Variants in TMEM170B observed in about 807,000 individuals in gnomAD.
TMEM170B encodes transmembrane protein 170B.
Under a neutral mutation model 13.0 loss-of-function variants are expected in TMEM170B, and 6 were observed. The ratio of observed to expected loss-of-function variants is 0.46; its 90% CI spans 0.25 to 0.91. The LOEUF (loss-of-function observed/expected upper bound fraction) is 0.91. Among genes scored for constraint, TMEM170B ranks in the 40% least tolerant of loss-of-function variants. The pLI is 0.17. For synonymous variants in TMEM170B, 61 were observed against 64.9 expected, an observed-to-expected ratio of 0.94 and a Z score of 0.29; for missense variants, 138 against 165.2, an observed-to-expected ratio of 0.84 and a Z score of 0.90.
At chr6:11,565,262 A>G (rs1454166722) in intron 1 of TMEM170B, among the ~76,000 whole-genome samples, 1 of 152,246 alleles carries the variant, frequency 6.6e-6, no homozygotes, top group Admixed American at 6.5e-5. Flanking sequence ...GATTTGAATT[A>G]GAATTACAAG....
intron 1 of TMEM170B, among the ~76,000 whole-genome samples, chr6:11,552,214 C>A (rs766199975): frequency 3.7e-4 from 57 of 152,202 alleles, no homozygotes; most frequent in Middle Eastern, 3.4e-3. Context: ...GCTATCTTAA[C>A]GATGTATAAT....
intron 2 of TMEM170B, among the ~76,000 whole-genome samples, chr6:11,572,884 A>T (rs768558867): frequency 1.3e-5 from 2 of 152,146 alleles, no homozygotes; most frequent in Non-Finnish European, 2.9e-5. Context: ...TACCTAAATG[A>T]TATATCTAAG....
intron 1 of TMEM170B, among the ~76,000 whole-genome samples, chr6:11,538,830 C>A (rs1354587775): frequency 6.6e-6 from 1 of 152,224 alleles, no homozygotes; most frequent in African/African-American, 2.4e-5. Flanking sequence ...TCATTGCCCA[C>A]AATGGTCGAT....
rs574888893 is a variant in TMEM170B, at chr6:11,538,726, C to G, written c.97+352C>G. Reference sequence around the variant, plus strand: ...TATTCCATTACCCTCCTCCCCTCCCCCTTCTACACACATCGCTTCTTGCTA... The same window carrying G: ...TATTCCATTACCCTCCTCCCCTCCCGCTTCTACACACATCGCTTCTTGCTA... On this transcript the variant is annotated intron_variant, in intron 1 of 2. Transcript: ENST00000379426. Among the ~76,000 whole-genome samples the G allele has an allele frequency of 1.1e-3, 165 of 152,362 alleles. 1 individual carries two copies. Among genetic ancestry groups the G allele is most frequent in the African/African-American group, 3.8e-3 (158 of 41,576 alleles).
Position 11,581,362 on chromosome 6 carries a change from T to G in TMEM170B, c.*5801T>G, listed in dbSNP as rs12193579. 0.058 allele frequency: 8,792 copies of G among 152,298 alleles called. 276 individuals carry two copies. Among genetic ancestry groups the G allele is most frequent in the East Asian group, 0.16 (817 of 5,190 alleles). The allele number at this position is 152,298 out of a possible 1,614,324, so 9.4% of individuals were successfully genotyped here. The stretch of plus-strand genomic sequence containing the variant: ...AAGGAGCTGGTTTAGGAAAGAATAC[T>G]CTTAACCCCTACAGTTATGCAGCTC... On this transcript the variant is annotated 3_prime_UTR_variant, in exon 3 of 3. Transcript: ENST00000379426.
At chr6:11,551,809 C>A (rs749013119) in intron 1 of TMEM170B, among the ~76,000 whole-genome samples, 2 of 152,064 alleles carry the variant, frequency 1.3e-5, no homozygotes, top group African/African-American at 4.8e-5. Flanking sequence ...GGAGCAGGAA[C>A]CTGTTCATGG....
Position 11,575,390 on chromosome 6 carries a change from G to T in TMEM170B, c.269-41G>T. ...TGCAGCATGCAGTGTGTTATAAAACGAGTGACTGTATCCCTTCATTTTTCT... is the reference window on the plus strand; with the variant it reads ...TGCAGCATGCAGTGTGTTATAAAACTAGTGACTGTATCCCTTCATTTTTCT... On this transcript the variant is annotated intron_variant, in intron 2 of 2. Coordinates refer to ENST00000379426, the MANE Select transcript of TMEM170B (RefSeq NM_001100829.3). This position sits in a 1 kb window ranked among gnomAD's most constrained non-coding sequence, Gnocchi z 4.1. 1 of 1,611,386 alleles carries T rather than the reference G, an allele frequency of 6.2e-7. No individual in the cohort carries two copies. The highest frequency in any genetic ancestry group is 1.1e-5 in the South Asian group (1 of 90,910).
intron 1 of TMEM170B, among the ~76,000 whole-genome samples, chr6:11,543,129 A>G (rs1561906178): frequency 6.6e-6 from 1 of 152,102 alleles, no homozygotes; most frequent in Non-Finnish European, 1.5e-5. Flanking sequence ...TATGTTTTTC[A>G]ATTACGTTAT....
intron 2 of TMEM170B, among the ~76,000 whole-genome samples, chr6:11,569,921 G>A (rs977664587): frequency 2.6e-5 from 4 of 151,178 alleles, no homozygotes; most frequent in Admixed American, 2.6e-4. Context: ...TAATCCCAGT[G>A]GTTTTGTGGT....
In TMEM170B at chr6:11,581,013, A is replaced by C. The variant is rs1307266240; in HGVS notation, c.*5452A>C. 2 of 152,230 alleles carry C rather than the reference A, an allele frequency of 1.3e-5. No individual in the cohort carries two copies. Among genetic ancestry groups the C allele is most frequent in the East Asian group, 3.8e-4 (2 of 5,206 alleles). The allele number at this position is 152,230 out of a possible 1,614,324, so 9.4% of individuals were successfully genotyped here. On this transcript the variant is annotated 3_prime_UTR_variant, in exon 3 of 3. Transcript: ENST00000379426. ...TAGGGAGGTTGCTGAATTATCTAAA[A>C]ATGTATCCATGAATTTGGGGGAAAT...
At position 11,581,712 on chromosome 6, in the gene TMEM170B, TA is replaced by T. The variant is rs1384635859; in HGVS notation, c.*6152del. On this transcript the variant is annotated 3_prime_UTR_variant, in exon 3 of 3. Coordinates refer to ENST00000379426, the MANE Select transcript of TMEM170B (RefSeq NM_001100829.3). ...TGAATTAAGCAGAAATCACTTTTTTTAGAGCCTTGTTTAAAGGAACGTTAAC... is the reference window on the plus strand; with the variant it reads ...TGAATTAAGCAGAAATCACTTTTTTTGAGCCTTGTTTAAAGGAACGTTAAC... The T allele has an allele frequency of 1.3e-5, 2 of 152,234 alleles. No individual in the cohort carries two copies. Among genetic ancestry groups the T allele is most frequent in the South Asian group, 2.1e-4 (1 of 4,836 alleles). The allele number at this position is 152,234 out of a possible 1,614,324, so 9.4% of individuals were successfully genotyped here.
Position 11,576,954 on chromosome 6 carries a change from G to A in TMEM170B, c.*1393G>A, listed in dbSNP as rs1029963887. On this transcript the variant is annotated 3_prime_UTR_variant, in exon 3 of 3. Transcript: ENST00000379426. ...AGAGTATAGGAAGTAGGGTTGAACT[G>A]GTCTCCTAATGAGATTTTTTTTGGC... The A allele has an allele frequency of 6.6e-6, 1 of 152,032 alleles. No homozygotes were observed. Among genetic ancestry groups the A allele is most frequent in the Non-Finnish European group, 1.5e-5 (1 of 67,958 alleles). The allele number at this position is 152,032 out of a possible 1,614,324, so 9.4% of individuals were successfully genotyped here.
rs868231767 is a variant in TMEM170B, at chr6:11,552,793, G to A, written c.98-12873G>A. Among the ~76,000 whole-genome samples the A allele has an allele frequency of 2.8e-4, 42 of 152,320 alleles. 2 individuals carry two copies. Among genetic ancestry groups the A allele is most frequent in the Middle Eastern group, 6.8e-3 (2 of 294 alleles). The stretch of plus-strand genomic sequence containing the variant: ...TGTGTCAGAAGGTGAACTATGGGAT[G>A]CAAAGGCAGTCTGTGCACAGTCTCT... On this transcript the variant is annotated intron_variant, in intron 1 of 2. Transcript: ENST00000379426.
At chr6:11,568,248 G>GT (rs1275896384) in intron 2 of TMEM170B, among the ~76,000 whole-genome samples, 1 of 152,172 alleles carries the variant, frequency 6.6e-6, no homozygotes, top group African/African-American at 2.4e-5. Flanking sequence ...GAAGGAAGGA[G>GT]TTAATGTAAG....
chr6:11,568,123 G>T (rs1028414213), intron 2 of TMEM170B, among the ~76,000 whole-genome samples: 61 of 152,106 alleles, frequency 4.0e-4, no homozygotes, highest in African/African-American at 1.4e-3. Flanking sequence ...GGAAAGGAAA[G>T]AAAGAAGAGG....
intron 1 of TMEM170B, among the ~76,000 whole-genome samples, chr6:11,542,415 A>G (rs1313675136): frequency 6.6e-6 from 1 of 152,194 alleles, no homozygotes; most frequent in Admixed American, 6.5e-5. Context: ...ATGTCTTTCA[A>G]TATGATCTTA....
At position 11,582,932 on chromosome 6, in the gene TMEM170B, T is replaced by G. The variant is rs1025182596; in HGVS notation, c.*7371T>G. 6.6e-6 allele frequency: 1 copy of G among 152,168 alleles called. No individual in the cohort carries two copies. The highest frequency in any genetic ancestry group is 1.5e-5 in the Non-Finnish European group (1 of 67,996). The allele number at this position is 152,168 out of a possible 1,614,324, so 9.4% of individuals were successfully genotyped here. A position where few individuals can be genotyped will look rare whatever the true frequency, so the allele number is the denominator to read the frequency against. On this transcript the variant is annotated 3_prime_UTR_variant, in exon 3 of 3. Coordinates refer to ENST00000379426, the MANE Select transcript of TMEM170B (RefSeq NM_001100829.3). ...AATTTTGAAGGATTATTTTAAAAACTATGTTTATATATAATACCTAACAAG... is the reference window on the plus strand; with the variant it reads ...AATTTTGAAGGATTATTTTAAAAACGATGTTTATATATAATACCTAACAAG...
chr6:11,570,951 CTT>C (rs1759790637), intron 2 of TMEM170B, among the ~76,000 whole-genome samples: 1 of 152,118 alleles, frequency 6.6e-6, no homozygotes, highest in Admixed American at 6.6e-5. Flanking sequence ...TAAAAAATCA[CTT>C]TAAAAATGTG....
At chr6:11,542,164 A>T (rs1384351420) in intron 1 of TMEM170B, among the ~76,000 whole-genome samples, 2 of 152,184 alleles carry the variant, frequency 1.3e-5, no homozygotes, top group African/African-American at 4.8e-5. Flanking sequence ...GCCAAAATAA[A>T]GTGAAGTACA....
Sources: allele counts gnomAD v4.1 joint callset (sites outside exome capture counted in the v4.1 genomes callset), GRCh38; gene constraint gnomAD v4.1.1; non-coding constraint Gnocchi (gnomAD v3.1); transcripts MANE v1.5; gene names NCBI Gene and HGNC (gene_info 2026-07-23, HGNC 2026-07-21).